Variants in CDH8 observed in about 807,000 individuals in gnomAD.
The protein encoded by CDH8 is cadherin 8.
CDH8 carries 17 observed loss-of-function variants against 68.1 expected under a neutral mutation model. The observed-to-expected ratio is 0.25, with a 90% CI of 0.17 to 0.37. The LOEUF is 0.37. Among genes scored for constraint, CDH8 ranks in the 10% least tolerant of loss-of-function variants. The probability of loss-of-function intolerance (pLI) is 1.00; values close to 1 mark genes in which losing one functional copy is unlikely to be tolerated. For synonymous variants in CDH8, 372 were observed against 365.1 expected, an observed-to-expected ratio of 1.02 and a Z score of -0.21; for missense variants, 763 against 999.3, an observed-to-expected ratio of 0.76 and a Z score of 3.19.
At chr16:61,789,161 C>T (rs1257643358) in intron 8 of CDH8, among the ~76,000 whole-genome samples, 185 bp downstream of exon 8, 1 of 151,974 alleles carries the variant, frequency 6.6e-6, no homozygotes, top group Non-Finnish European at 1.5e-5. Flanking sequence ...TGAAACATTT[C>T]AGTAATTTAC....
chr16:62,019,788 C>CAT (rs1167812871), intron 2 of CDH8, among the ~76,000 whole-genome samples: 1 of 152,062 alleles, frequency 6.6e-6, no homozygotes, highest in Non-Finnish European at 1.5e-5. Context: ...TGCAAATGAA[C>CAT]ATATATATGC....
Position 61,857,102 on chromosome 16 carries a change from A to T in CDH8, c.667+17T>A. On this transcript the variant is annotated intron_variant, in intron 4 of 11. Transcript: ENST00000577390. ...GCAAAAACATGGCAAATATAATTCG[A>T]AATTTAGGCCACAAACCTGTTTCAG... is the stretch of plus-strand genomic sequence containing the variant. The T allele has an allele frequency of 6.2e-7, 1 of 1,613,046 alleles. No homozygotes were observed. The highest frequency in any genetic ancestry group is 8.5e-7 in the Non-Finnish European group (1 of 1,179,240).
intron 10 of CDH8, among the ~76,000 whole-genome samples, chr16:61,701,898 G>A (rs1964435326): frequency 6.6e-6 from 1 of 152,122 alleles, no homozygotes; most frequent in African/African-American, 2.4e-5. Flanking sequence ...AGTCCTTCAA[G>A]ACTTTGGCCA....
chr16:61,911,355 C>A (rs528965374), intron 2 of CDH8, among the ~76,000 whole-genome samples: 4 of 152,170 alleles, frequency 2.6e-5, no homozygotes, highest in Admixed American at 2.0e-4. Flanking sequence ...TGTTTCAATG[C>A]ACATTAAATG....
In CDH8 at chr16:61,654,119, A is replaced by T. The variant is rs1055336773; in HGVS notation, c.1907-18T>A. On this transcript the variant is annotated intron_variant, in intron 11 of 11. Coordinates refer to ENST00000577390, the MANE Select transcript of CDH8 (RefSeq NM_001796.5). ...CACGATGACTAGAGGAAAAATATTA[A>T]ATAACAGTCAGCCAAACAAGCATAT... 1 of 1,598,754 alleles carries T rather than the reference A, an allele frequency of 6.3e-7. No individual in the cohort carries two copies.
chr16:61,868,039 G>T (rs1159494603), intron 3 of CDH8, among the ~76,000 whole-genome samples: 1 of 152,076 alleles, frequency 6.6e-6, no homozygotes, highest in Non-Finnish European at 1.5e-5. Context: ...CATTGTCCTT[G>T]TTATACAAGT....
chr16:61,844,110 C>T (rs868383522), intron 4 of CDH8, among the ~76,000 whole-genome samples: 1 of 151,782 alleles, frequency 6.6e-6, no homozygotes, highest in Non-Finnish European at 1.5e-5. Context: ...AAAATGATGA[C>T]TTCATGTCCT....
intron 8 of CDH8, among the ~76,000 whole-genome samples, chr16:61,765,517 A>G (rs1371666171): frequency 6.6e-6 from 1 of 151,990 alleles, no homozygotes; most frequent in Non-Finnish European, 1.5e-5. Context: ...TTAATTTATC[A>G]TTTTTGTTCC....
intron 7 of CDH8, among the ~76,000 whole-genome samples, chr16:61,804,686 A>G (rs1410731090): frequency 2.0e-5 from 3 of 150,726 alleles, no homozygotes; most frequent in African/African-American, 7.4e-5. Flanking sequence ...GAATACCACA[A>G]ACACCTCTGC....
intron 8 of CDH8, among the ~76,000 whole-genome samples, chr16:61,755,860 G>A (rs564891142): frequency 4.0e-5 from 6 of 151,026 alleles, no homozygotes; most frequent in East Asian, 2.0e-4. Context: ...TCGCTCTGTC[G>A]CCCAGGCTGG....
At chr16:61,925,112 C>A (rs1385508739) in intron 2 of CDH8, among the ~76,000 whole-genome samples, 1 of 152,128 alleles carries the variant, frequency 6.6e-6, no homozygotes, top group Non-Finnish European at 1.5e-5. Context: ...CACATAATTA[C>A]AATATATGTG....
chr16:61,977,928 T>C (rs1055126351), intron 2 of CDH8, among the ~76,000 whole-genome samples: 1 of 152,166 alleles, frequency 6.6e-6, no homozygotes, highest in Non-Finnish European at 1.5e-5. Flanking sequence ...GCTTTAATGA[T>C]AGTTTGTTAT....
At chr16:61,795,633 TTGAC>T (rs1289218669) in intron 7 of CDH8, among the ~76,000 whole-genome samples, 16 of 152,194 alleles carry the variant, frequency 1.1e-4, no homozygotes, top group Non-Finnish European at 2.2e-4. Flanking sequence ...AAAGCCCAAA[TTGAC>T]TGTGGAGATG....
chr16:61,767,075 G>A (rs1220150073), intron 8 of CDH8, among the ~76,000 whole-genome samples: 6 of 151,918 alleles, frequency 3.9e-5, no homozygotes, highest in Admixed American at 6.6e-5. Flanking sequence ...TATTCTAAAT[G>A]ATATTTCTTC....
chr16:61,904,537 A>G (rs1465651137), intron 2 of CDH8, among the ~76,000 whole-genome samples: 1 of 152,206 alleles, frequency 6.6e-6, no homozygotes, highest in Admixed American at 6.5e-5. Context: ...CTTAAAAAAT[A>G]CTCTGGACTG....
chr16:62,004,526 C>T (rs745327036), intron 2 of CDH8, among the ~76,000 whole-genome samples: 21 of 152,020 alleles, frequency 1.4e-4, no homozygotes, highest in Non-Finnish European at 2.5e-4. Flanking sequence ...AGACAAGCCA[C>T]CGGGGTTATA....
chr16:61,864,899 T>C (rs956546330), intron 3 of CDH8, among the ~76,000 whole-genome samples: 1 of 152,140 alleles, frequency 6.6e-6, no homozygotes, highest in South Asian at 2.1e-4. Flanking sequence ...GGGTAATCAG[T>C]CTTGCCATTT....
chr16:61,909,608 T>C (rs1964125068), intron 2 of CDH8, among the ~76,000 whole-genome samples: 1 of 152,172 alleles, frequency 6.6e-6, no homozygotes, highest in African/African-American at 2.4e-5. Flanking sequence ...CAGGAAAGCA[T>C]GAATAGTAAG....
At chr16:61,971,337 C>T (rs767908347) in intron 2 of CDH8, among the ~76,000 whole-genome samples, 1 of 152,174 alleles carries the variant, frequency 6.6e-6, no homozygotes, top group Non-Finnish European at 1.5e-5. Flanking sequence ...TTCTGATTGA[C>T]AGGCTGTATA....
Sources: gnomAD v4.1 joint callset for allele counts (sites outside exome capture counted in the v4.1 genomes callset) on GRCh38, gnomAD v4.1.1 for gene constraint, MANE v1.5 for transcripts, NCBI Gene and HGNC (gene_info 2026-07-23, HGNC 2026-07-21) for gene names.